Variants in TTC6 observed in about 807,000 individuals in gnomAD.
TTC6 encodes tetratricopeptide repeat protein 6.
A neutral mutation model predicts 210.4 loss-of-function variants in TTC6; 172 were observed. The observed-to-expected ratio is 0.82, with a 90% confidence interval of 0.72 to 0.93. TTC6 has a LOEUF of 0.93. TTC6 is among the 40% of genes least tolerant of loss of function. The probability of loss-of-function intolerance (pLI) is 0.00; values close to 1 mark genes in which losing one functional copy is unlikely to be tolerated. For missense variants in TTC6, 2,414 were observed against 2,318.1 expected (o/e 1.04, Z -0.85); for synonymous variants, 804 against 819.6 (o/e 0.98, Z 0.32).
chr14:37,664,555 G>A lies in TTC6; in HGVS notation c.940-15596G>A, dbSNP rs2095744004. 1.3e-5 allele frequency among the ~76,000 whole-genome samples: 2 copies of A among 150,586 alleles called. 1 individual carries two copies. Among genetic ancestry groups the A allele is most frequent in the Non-Finnish European group, 3.0e-5 (2 of 67,126 alleles). On this transcript the variant is annotated intron_variant, in intron 1 of 30. Transcript: ENST00000553443. ...ACCCCAAACTACAAAGACCCTAGAA[G>A]AAAATCTAGGCAGTATCATCAGGAT...
intron 29 of TTC6, among the ~76,000 whole-genome samples, chr14:37,838,850 G>C (rs1595341281): frequency 6.6e-6 from 1 of 152,026 alleles, no homozygotes; most frequent in Non-Finnish European, 1.5e-5. Flanking sequence ...TCCCCTCCCT[G>C]TGTCCATGTA....
intron 29 of TTC6, among the ~76,000 whole-genome samples, chr14:37,836,643 G>A (rs900707943): frequency 6.6e-6 from 1 of 151,994 alleles, no homozygotes; most frequent in African/African-American, 2.4e-5. Flanking sequence ...GTATGCCTGA[G>A]CTTTACAGTG....
chr14:37,782,409 C>A (rs1413096041), intron 14 of TTC6, among the ~76,000 whole-genome samples: 1 of 152,116 alleles, frequency 6.6e-6, no homozygotes, highest in Non-Finnish European at 1.5e-5. Context: ...GGAGTTCACT[C>A]ATGATTTGGC....
At chr14:37,795,343 A>G (rs754718716) in exon 18 of TTC6, 6 of 1,525,200 alleles carry the variant, frequency 3.9e-6, no homozygotes, top group Admixed American at 2.0e-5. Flanking sequence ...ATCCAATTAT[A>G]CATAAGAAGG....
At chr14:37,777,629 G>C (rs2096041691) in intron 14 of TTC6, among the ~76,000 whole-genome samples, 1 of 152,160 alleles carries the variant, frequency 6.6e-6, no homozygotes, top group Admixed American at 6.5e-5. Context: ...CTGGTTAAGA[G>C]CCATTGCTGC....
At chr14:37,640,206 A>G (rs1437323469) in intron 1 of TTC6, among the ~76,000 whole-genome samples, 9 of 151,780 alleles carry the variant, frequency 5.9e-5, no homozygotes, top group Non-Finnish European at 8.8e-5. Flanking sequence ...ATGCATGTAT[A>G]TTGTTTTCCA....
rs1276400724 is a variant in TTC6 at position 37,739,263 on chromosome 14, T to C, written c.2363+108T>C. On this transcript the variant is annotated intron_variant, in intron 10 of 30. Transcript: ENST00000553443. ...ATTATTTTATTCTGCACTGAACATA[T>C]GAACCTTTCACTCTTTGAAAGACAA... The C allele has an allele frequency of 9.6e-6, 11 of 1,141,160 alleles. No homozygotes were observed. The East Asian group carries it at 2.4e-4, about 25-fold the overall frequency. The allele number at this position is 1,141,160 out of a possible 1,614,324, so 70.7% of individuals were successfully genotyped here.
chr14:37,645,291 G>T lies in TTC6; in HGVS notation c.939+22288G>T, dbSNP rs117660337. Among the ~76,000 whole-genome samples the T allele has an allele frequency of 3.9e-4, 59 of 152,312 alleles. No individual in the cohort carries two copies. In the East Asian group the frequency reaches 0.01, roughly 27 times the overall value. On this transcript the variant is annotated intron_variant, in intron 1 of 30. Transcript: ENST00000553443. ...TGTCTCAATTAGAAACGGAGGACCT[G>T]GTCCTACCTGCTCAATCCAGACTCC...
intron 14 of TTC6, among the ~76,000 whole-genome samples, chr14:37,780,937 G>A (rs1386254043): frequency 6.6e-6 from 1 of 152,050 alleles, no homozygotes; most frequent in African/African-American, 2.4e-5. Flanking sequence ...CTTCATCCAT[G>A]TCCCTGCAAA....
chr14:37,761,404 G>GTC (rs1211334514), intron 14 of TTC6, among the ~76,000 whole-genome samples: 1 of 151,954 alleles, frequency 6.6e-6, no homozygotes, highest in Non-Finnish European at 1.5e-5. Context: ...TTTTGCGTGG[G>GTC]TCTTGCTGGG....
chr14:37,661,294 C>T (rs1230115385), intron 1 of TTC6, among the ~76,000 whole-genome samples: 2 of 152,076 alleles, frequency 1.3e-5, no homozygotes, highest in Non-Finnish European at 2.9e-5. Context: ...TGCCTAGATT[C>T]TCTTCTAGGA....
At chr14:37,665,973 G>T (rs1418330035) in intron 1 of TTC6, among the ~76,000 whole-genome samples, 2 of 150,644 alleles carry the variant, frequency 1.3e-5, no homozygotes, top group Non-Finnish European at 3.0e-5. Flanking sequence ...AAAATACAGA[G>T]TTTACCCTAT....
At chr14:37,747,367 A>G (rs1172631371) in intron 10 of TTC6, among the ~76,000 whole-genome samples, 2 of 152,238 alleles carry the variant, frequency 1.3e-5, no homozygotes, top group Admixed American at 1.3e-4. Flanking sequence ...GGAGAAATTT[A>G]CAAAAATGTC....
intron 5 of TTC6, 84 bp from the exon 8 acceptor site, chr14:37,714,571 C>G: frequency 9.3e-7 from 1 of 1,075,942 alleles, no homozygotes. Context: ...GTGTTTATTT[C>G]AGTGGAGTTA....
At chr14:37,696,751 A>G in exon 4 of TTC6, 7 of 1,471,404 alleles carry the variant, frequency 4.8e-6, no homozygotes, top group Non-Finnish European at 6.3e-6. Flanking sequence ...ATCGAAGGAA[A>G]AGAAATTAAG....
upstream of TTC6, among the ~76,000 whole-genome samples, chr14:37,621,616 A>G (rs775892118): frequency 1.3e-5 from 2 of 152,234 alleles, no homozygotes; most frequent in African/African-American, 2.4e-5. Flanking sequence ...TGTCTCAAAA[A>G]AAGAAAAAAT....
At chr14:37,643,159 C>T (rs2095695262) in intron 1 of TTC6, among the ~76,000 whole-genome samples, 1 of 151,950 alleles carries the variant, frequency 6.6e-6, no homozygotes, top group African/African-American at 2.4e-5. Flanking sequence ...AATACAAAAA[C>T]TAGCTGGGTG....
At chr14:37,659,276 A>G (rs2095731886) in intron 1 of TTC6, among the ~76,000 whole-genome samples, 1 of 152,100 alleles carries the variant, frequency 6.6e-6, no homozygotes, top group South Asian at 2.1e-4. Context: ...AGAATGATTT[A>G]TATTCCTCTG....
intron 1 of TTC6, among the ~76,000 whole-genome samples, chr14:37,637,230 G>A (rs1209378087): frequency 6.6e-6 from 1 of 152,092 alleles, no homozygotes; most frequent in African/African-American, 2.4e-5. Flanking sequence ...CAAAAACATA[G>A]AAGAAAATCT....
Sources: gnomAD v4.1 joint callset for allele counts (sites outside exome capture counted in the v4.1 genomes callset) on GRCh38, gnomAD v4.1.1 for gene constraint, MANE v1.5 for transcripts, NCBI Gene and HGNC (gene_info 2026-07-23, HGNC 2026-07-21) for gene names.